The following RASA1 variants were observed in gnomAD, a reference collection of about 807,000 sequenced individuals.
The protein encoded by RASA1 is ras GTPase-activating protein 1.
A neutral mutation model predicts 132.2 loss-of-function variants in RASA1; 25 were observed. That is an observed-to-expected ratio of 0.19 (90% CI 0.14 to 0.26). The LOEUF (loss-of-function observed/expected upper bound fraction) is 0.26. RASA1 is among the 10% of genes least tolerant of loss of function. The pLI, the probability that RASA1 is intolerant of heterozygous loss-of-function variation, is 1.00. For missense variants in RASA1, 964 were observed against 1,299.2 expected (o/e 0.74, Z 3.97); for synonymous variants, 477 against 449.9 (o/e 1.06, Z -0.76).
Position 87,331,514 on chromosome 5 carries a change from C to A in RASA1, c.692+14C>A. On this transcript the variant is annotated intron_variant, in intron 2 of 24. Coordinates refer to ENST00000274376, the MANE Select transcript of RASA1 (RefSeq NM_002890.3). ...CAACCATTTTAGGTAAGTCTTTATT[C>A]CTATTATGAAGCCAAATGATGTAGC... is the stretch of plus-strand genomic sequence containing the variant. 1 of 1,612,594 alleles carries A rather than the reference C, an allele frequency of 6.2e-7. No homozygotes were observed. Among genetic ancestry groups the A allele is most frequent in the South Asian group, 1.1e-5 (1 of 91,026 alleles).
chr5:87,277,937 A>G (rs924543108), intron 1 of RASA1, among the ~76,000 whole-genome samples: 11 of 152,158 alleles, frequency 7.2e-5, no homozygotes, highest in Admixed American at 7.2e-4. Flanking sequence ...CATGGTAGCC[A>G]TGGAATATCC....
chr5:87,333,368 AT>A, intron 4 of RASA1, 31 bp downstream of exon 4: 1 of 1,609,192 alleles, frequency 6.2e-7, no homozygotes, highest in African/African-American at 1.3e-5. Flanking sequence ...ATGTATAGGC[AT>A]TTGAAAGAGC....
At chr5:87,314,087 C>T (rs974704329) in intron 1 of RASA1, among the ~76,000 whole-genome samples, 7 of 152,150 alleles carry the variant, frequency 4.6e-5, no homozygotes, top group Non-Finnish European at 1.0e-4. Context: ...GCAGGAGAAT[C>T]GCTTGAACCC....
chr5:87,279,712 CATT>C (rs774267430), intron 1 of RASA1, among the ~76,000 whole-genome samples: 1 of 152,152 alleles, frequency 6.6e-6, no homozygotes, highest in East Asian at 1.9e-4. Context: ...ACTGATATCT[CATT>C]GTGATTTTGA....
chr5:87,338,501 T>TTTTATA (rs1328662827), intron 5 of RASA1, among the ~76,000 whole-genome samples: 1 of 75,682 alleles, frequency 1.3e-5, no homozygotes, highest in African/African-American at 4.9e-5. Context: ...CCAGCTAATT[T>TTTTATA]TATATATATA....
chr5:87,374,397 A>G (rs1215856183), intron 14 of RASA1, 77 bp downstream of exon 14: 2 of 1,298,650 alleles, frequency 1.5e-6, no homozygotes, highest in East Asian at 2.8e-5. Flanking sequence ...TGGTCTCTGT[A>G]TCTAAACCAT....
At chr5:87,292,469 A>G (rs1754951328) in intron 1 of RASA1, among the ~76,000 whole-genome samples, 1 of 151,538 alleles carries the variant, frequency 6.6e-6, no homozygotes, top group South Asian at 2.1e-4. Flanking sequence ...TCAAAGATCA[A>G]TTGATTATAT....
intron 1 of RASA1, among the ~76,000 whole-genome samples, chr5:87,288,871 T>G (rs755107029): frequency 3.9e-5 from 6 of 152,206 alleles, no homozygotes; most frequent in Non-Finnish European, 7.3e-5. Context: ...TTTGCTGAAC[T>G]GTTTAAAAGT....
chr5:87,360,800 A>G (rs964043472), intron 9 of RASA1, among the ~76,000 whole-genome samples: 4 of 152,176 alleles, frequency 2.6e-5, no homozygotes, highest in Admixed American at 6.5e-5. Flanking sequence ...TTCTGCCATC[A>G]TGATAAGAGT....
At chr5:87,360,446 A>G (rs1760000159) in intron 9 of RASA1, among the ~76,000 whole-genome samples, 2 of 152,162 alleles carry the variant, frequency 1.3e-5, no homozygotes, top group Non-Finnish European at 2.9e-5. Context: ...ATGGCTCATA[A>G]TTTTGTTGGA....
intron 1 of RASA1, among the ~76,000 whole-genome samples, chr5:87,280,578 G>A (rs1283533032): frequency 6.6e-6 from 1 of 152,098 alleles, no homozygotes; most frequent in Non-Finnish European, 1.5e-5. Context: ...CTCCCAAAAT[G>A]CTGGGATTAC....
At chr5:87,323,120 C>T (rs945356797) in intron 1 of RASA1, among the ~76,000 whole-genome samples, 2 of 152,062 alleles carry the variant, frequency 1.3e-5, no homozygotes, top group African/African-American at 4.8e-5. Flanking sequence ...ATTTCCATGA[C>T]TGTGAATAAA....
intron 1 of RASA1, among the ~76,000 whole-genome samples, chr5:87,281,583 T>C (rs1479788589): frequency 6.6e-6 from 1 of 151,982 alleles, no homozygotes; most frequent in East Asian, 1.9e-4. Context: ...ATTTTTGTTT[T>C]TGTTTTTGTT....
intron 6 of RASA1, among the ~76,000 whole-genome samples, chr5:87,346,349 TC>T (rs1758858415): frequency 6.6e-6 from 1 of 151,918 alleles, no homozygotes; most frequent in Admixed American, 6.6e-5. Context: ...TCTGTACTAC[TC>T]CTCCTTCCCC....
chr5:87,363,280 T>A (rs1309733069), intron 10 of RASA1, 68 bp from the exon 11 acceptor site: 14 of 1,352,714 alleles, frequency 1.0e-5, no homozygotes, highest in Admixed American at 5.4e-5. Context: ...TTAGAAACAC[T>A]AATTTTAATA....
chr5:87,296,548 TC>T (rs1755127714), intron 1 of RASA1, among the ~76,000 whole-genome samples: 1 of 152,218 alleles, frequency 6.6e-6, no homozygotes, highest in African/African-American at 2.4e-5. Context: ...TCTTTATGTT[TC>T]TTTCACTCTA....
chr5:87,331,114 A>G, intron 1 of RASA1: 2 of 863,728 alleles, frequency 2.3e-6, no homozygotes, highest in Non-Finnish European at 3.5e-6. Flanking sequence ...GAAGAGATTT[A>G]TATATGAGAT....
intron 5 of RASA1, among the ~76,000 whole-genome samples, chr5:87,339,655 A>G (rs1758296149): frequency 2.0e-5 from 3 of 152,170 alleles, no homozygotes; most frequent in Admixed American, 2.0e-4. Flanking sequence ...CCAAACCAGA[A>G]TAAGGAGACA....
chr5:87,288,703 C>CT (rs1349639476), intron 1 of RASA1, among the ~76,000 whole-genome samples: 17 of 151,694 alleles, frequency 1.1e-4, no homozygotes, highest in Admixed American at 7.2e-4. Flanking sequence ...TGGATATAGG[C>CT]TTTTTTTTGG....
Sources: allele counts gnomAD v4.1 joint callset (sites outside exome capture counted in the v4.1 genomes callset), GRCh38; gene constraint gnomAD v4.1.1; transcripts MANE v1.5; gene names NCBI Gene and HGNC (gene_info 2026-07-23, HGNC 2026-07-21).